PGLS: variants seen among roughly 807,000 people sequenced by gnomAD.
PGLS encodes 6-phosphogluconolactonase, also known as epididymis secretory protein Li 304.
In PGLS, 21 loss-of-function variants were observed where a neutral mutation model predicts 23.2. The observed-to-expected ratio is 0.91, with a 90% confidence interval of 0.64 to 1.31. The LOEUF (loss-of-function observed/expected upper bound fraction) is 1.31, where lower values mean the gene tolerates loss of function less well. PGLS is among the 50% of genes most tolerant of loss of function. The probability of loss-of-function intolerance (pLI) is 0.00; values close to 1 mark genes in which losing one functional copy is unlikely to be tolerated. For synonymous variants in PGLS, 179 were observed against 165.4 expected (o/e 1.08, Z -0.63); for missense variants, 410 against 354.0 (o/e 1.16, Z -1.27).
Position 17,511,765 on chromosome 19 carries a change from A to C in PGLS, c.93A>C (p.Ala31=). The change falls in exon 1 of 5, where the codon GCA becomes GCC. Residue 31 remains alanine (A), a synonymous_variant. Coordinates refer to ENST00000252603, the MANE Select transcript of PGLS (RefSeq NM_012088.3). ...ALAQLVAQRA[A]CCLAGARARF... ...CGCAGCTGGTGGCCCAGCGCGCAGC[A>C]TGCTGCCTGGCAGGGGCCCGCGCCC... The C allele has an allele frequency of 6.7e-7, 1 of 1,499,670 alleles. No homozygotes were observed. Among genetic ancestry groups the C allele is most frequent in the Non-Finnish European group, 8.8e-7 (1 of 1,131,814 alleles). 92.9% of individuals were successfully genotyped at this position (1,499,670 alleles called of 1,614,324 possible).
rs972766208 is a variant in PGLS, at chr19:17,511,763, G to A, written c.91G>A (p.Ala31Thr). Reference sequence around the variant, plus strand: ...AGCGCAGCTGGTGGCCCAGCGCGCAGCATGCTGCCTGGCAGGGGCCCGCGC... The same window carrying A: ...AGCGCAGCTGGTGGCCCAGCGCGCAACATGCTGCCTGGCAGGGGCCCGCGC... ...ALAQLVAQRA[A>T]CCLAGARARF... The change falls in exon 1 of 5, where the codon GCA becomes ACA. Residue 31 changes from alanine (A) to threonine (T), a missense_variant. Physicochemically the swap from Ala to Thr is moderately conservative, Grantham distance 58 (BLOSUM62 0). Transcript: ENST00000252603. 12 of 1,499,158 alleles carry A rather than the reference G, an allele frequency of 8.0e-6. No homozygotes were observed. In the Admixed American group the frequency reaches 1.5e-4, roughly 19 times the overall value. The allele number at this position is 1,499,158 out of a possible 1,614,324, so 92.9% of individuals were successfully genotyped here.
chr19:17,515,362 C>T (rs1457554373), intron 1 of PGLS, among the ~76,000 whole-genome samples: 2 of 152,124 alleles, frequency 1.3e-5, no homozygotes, highest in Non-Finnish European at 2.9e-5. Flanking sequence ...TGCACAAACA[C>T]GAGGCACCGA....
chr19:17,511,666 C>T lies in PGLS; in HGVS notation c.-7C>T, dbSNP rs573996701. The T allele has an allele frequency of 2.4e-5, 35 of 1,476,030 alleles. No homozygotes were observed. The South Asian group carries it at 2.4e-4, about 10-fold the overall frequency. The allele number at this position is 1,476,030 out of a possible 1,614,324, so 91.4% of individuals were successfully genotyped here. The stretch of plus-strand genomic sequence containing the variant: ...AGCGCTTCCTCCTCCCCGCCGCCGC[C>T]CTCGCCATGGCCGCGCCGGCCCCGG... On this transcript the variant is annotated 5_prime_UTR_variant, in exon 1 of 5. Coordinates refer to ENST00000252603, the MANE Select transcript of PGLS (RefSeq NM_012088.3).
chr19:17,516,394 A>G, intron 2 of PGLS, 114 bp downstream of exon 2: 2 of 1,475,164 alleles, frequency 1.4e-6, no homozygotes, highest in South Asian at 1.3e-5. Flanking sequence ...GATCACTGGC[A>G]GATCCCTTTG....
At chr19:17,516,882 C>CTT (rs796344044) in intron 2 of PGLS, among the ~76,000 whole-genome samples, 12 of 137,904 alleles carry the variant, frequency 8.7e-5, no homozygotes, top group African/African-American at 2.4e-4. Flanking sequence ...CACCATGGGC[C>CTT]TTTTTTTTTT....
chr19:17,520,147 T>C (rs62126808), intron 4 of PGLS, among the ~76,000 whole-genome samples: 17,952 of 151,898 alleles, frequency 0.12, 1,389 homozygotes, highest in African/African-American at 0.21. Flanking sequence ...CGCAAGACCT[T>C]GTCTCAAAAA....
At position 17,521,274 on chromosome 19, in the gene PGLS, G is replaced by A; in HGVS notation, c.*193G>A. On this transcript the variant is annotated 3_prime_UTR_variant, in exon 5 of 5. Coordinates refer to ENST00000252603, the MANE Select transcript of PGLS (RefSeq NM_012088.3). The stretch of plus-strand genomic sequence containing the variant: ...GGCTCTGGACATCCGGATATTAAAA[G>A]GAGCGTTGCTGGAAGTCTGCACTGT... 1.7e-6 allele frequency: 1 copy of A among 579,992 alleles called. No individual in the cohort carries two copies. The highest frequency in any genetic ancestry group is 2.3e-5 in the South Asian group (1 of 44,138). The allele number at this position is 579,992 out of a possible 1,614,324, so 35.9% of individuals were successfully genotyped here.
intron 1 of PGLS, 126 bp from the exon 2 acceptor site, chr19:17,516,047 A>G (rs1599689426): frequency 1.4e-6 from 1 of 692,568 alleles, no homozygotes; most frequent in Admixed American, 2.2e-5. Flanking sequence ...GCACAAATGC[A>G]CCAGCCTCCC....
In PGLS at chr19:17,521,160, C is replaced by A. The variant is rs758614242; in HGVS notation, c.*79C>A. The A allele has an allele frequency of 6.8e-5, 95 of 1,401,506 alleles. No homozygotes were observed. Among genetic ancestry groups the A allele is most frequent in the South Asian group, 2.9e-4 (20 of 68,136 alleles). The allele number at this position is 1,401,506 out of a possible 1,614,324, so 86.8% of individuals were successfully genotyped here. A position where few individuals can be genotyped will look rare whatever the true frequency, so the allele number is the denominator to read the frequency against. ...CCCCTGCTGGCCGCCACTCTCCGGG[C>A]TCTCCTTTCAAAAAGCCACGTCGTG... On this transcript the variant is annotated 3_prime_UTR_variant, in exon 5 of 5. Transcript: ENST00000252603.
chr19:17,517,405 C>T lies in PGLS; in HGVS notation c.498+16C>T, dbSNP rs368187799. 52 of 1,577,288 alleles carry T rather than the reference C, an allele frequency of 3.3e-5. No individual in the cohort carries two copies. The highest frequency in any genetic ancestry group is 1.7e-4 in the Middle Eastern group (1 of 6,018). ...CCTCCTACAGGTGAGCACACCAATG[C>T]GGGGTTCCACCCTAGTCCTGAGCCC... is the stretch of plus-strand genomic sequence containing the variant. On this transcript the variant is annotated intron_variant, in intron 3 of 4. Transcript: ENST00000252603.
rs561664101 is a variant in PGLS at position 17,511,711 on chromosome 19, G to A, written c.39G>A (p.Ser13=). ...APAPGLISVF[S]SSQELGAALA... is the part of the protein sequence containing the mutation. The stretch of plus-strand genomic sequence containing the variant: ...CCCCGGGCCTCATCTCGGTGTTCTC[G>A]AGTTCCCAGGAGCTGGGTGCGGCGC... Residue 13 remains serine (S), a synonymous_variant, in exon 1 of 5, where the codon TCG becomes TCA. Transcript: ENST00000252603. The A allele has an allele frequency of 6.0e-6, 9 of 1,509,240 alleles. No individual in the cohort carries two copies. Among genetic ancestry groups the A allele is most frequent in the African/African-American group, 4.4e-5 (3 of 68,858 alleles). The allele number at this position is 1,509,240 out of a possible 1,614,324, so 93.5% of individuals were successfully genotyped here. A position where few individuals can be genotyped will look rare whatever the true frequency, so the allele number is the denominator to read the frequency against.
chr19:17,514,296 T>G (rs2075522889), intron 1 of PGLS, among the ~76,000 whole-genome samples: 1 of 152,074 alleles, frequency 6.6e-6, no homozygotes, highest in Non-Finnish European at 1.5e-5. Flanking sequence ...GCACATGGCC[T>G]TCTTGGATTC....
At chr19:17,519,087 G>A (rs983553342) in intron 4 of PGLS, among the ~76,000 whole-genome samples, 8 of 151,926 alleles carry the variant, frequency 5.3e-5, no homozygotes, top group Admixed American at 6.6e-5. Flanking sequence ...GCTGAGGCAG[G>A]CGGATCACCT....
intron 1 of PGLS, 104 bp from the exon 2 acceptor site, chr19:17,516,069 C>A: frequency 1.2e-6 from 1 of 829,258 alleles, no homozygotes; most frequent in Non-Finnish European, 2.0e-6. Flanking sequence ...ATGCCTCAGT[C>A]TCCCCATCTG....
At chr19:17,519,016 CAAA>C (rs2075545631) in intron 4 of PGLS, among the ~76,000 whole-genome samples, 1 of 151,400 alleles carries the variant, frequency 6.6e-6, no homozygotes, top group Admixed American at 6.6e-5. Flanking sequence ...AACTCATCTC[CAAA>C]AAAAATAAAT....
chr19:17,517,643 G>C, intron 3 of PGLS, 67 bp from the exon 4 acceptor site: 1 of 1,554,752 alleles, frequency 6.4e-7, no homozygotes, highest in Non-Finnish European at 8.8e-7. Flanking sequence ...GGCCTGGTGT[G>C]TGTAAGTGTC....
In PGLS at chr19:17,516,181, TCTCTC is replaced by T; in HGVS notation, c.299_303del (p.Leu100GlnfsTer13). ...CCCTCTGTTGGCTGCAGACGCATCT[TCTCTC>T]CAGACTGCCGATCCCAGAAAGCCAG... On this transcript the variant is annotated frameshift_variant, in exon 2 of 5. Transcript: ENST00000252603. LOFTEE classifies it high-confidence loss of function. 6.2e-7 allele frequency: 1 copy of T among 1,613,688 alleles called. No homozygotes were observed. The highest frequency in any genetic ancestry group is 8.5e-7 in the Non-Finnish European group (1 of 1,179,658).
intron 1 of PGLS, 200 bp downstream of exon 1, chr19:17,512,160 A>G (rs967222509): frequency 1.7e-6 from 1 of 575,460 alleles, no homozygotes; most frequent in African/African-American, 2.1e-5. Context: ...GCTGGGGGTC[A>G]TGCCAAGAGG....
Position 17,521,010 on chromosome 19 carries a change from CTG to C in PGLS, c.709_710del (p.Cys237LeufsTer?), listed in dbSNP as rs751482148. ...CCTGGTCCAGCCCCACACCGGGAAA[CTG>C]TGCTGGTTCTTGGACGAGGCGGCCG... The part of the protein sequence containing the change: ...AALVQPHTGK[L>X]CWFLDEAAAR... On this transcript the variant is annotated frameshift_variant, in exon 5 of 5. Transcript: ENST00000252603. LOFTEE classifies it high-confidence loss of function. 3.1e-6 allele frequency: 5 copies of C among 1,601,938 alleles called. No homozygotes were observed. Among genetic ancestry groups the C allele is most frequent in the East Asian group, 4.5e-5 (2 of 44,416 alleles).
Sources: allele counts gnomAD v4.1 joint callset (sites outside exome capture counted in the v4.1 genomes callset), GRCh38; gene constraint gnomAD v4.1.1; transcripts MANE v1.5; gene names NCBI Gene and HGNC (gene_info 2026-07-23, HGNC 2026-07-21).